The following HACD2 variants were observed in gnomAD, a reference collection of about 807,000 sequenced individuals.
HACD2 encodes the protein 3-hydroxyacyl-CoA dehydratase 2, also known as very-long-chain (3R)-3-hydroxyacyl-CoA dehydratase 2.
In HACD2, 15 loss-of-function variants were observed where a neutral mutation model predicts 31.0. That is an observed-to-expected ratio of 0.48 (90% CI 0.32 to 0.75). The LOEUF (loss-of-function observed/expected upper bound fraction) is 0.75, where lower values mean the gene tolerates loss of function less well. Among genes scored for constraint, HACD2 ranks in the 30% least tolerant of loss-of-function variants. The pLI, the probability that HACD2 is intolerant of heterozygous loss-of-function variation, is 0.03. For missense variants in HACD2, 283 were observed against 313.0 expected (o/e 0.90, Z 0.72); for synonymous variants, 115 against 122.2 (o/e 0.94, Z 0.39).
chr3:123,559,448 G>T (rs1165353799), intron 3 of HACD2, among the ~76,000 whole-genome samples: 1 of 152,206 alleles, frequency 6.6e-6, no homozygotes, highest in African/African-American at 2.4e-5. Context: ...TCACTACTCA[G>T]ATCATTGACA....
At chr3:123,563,611 T>C (rs936718809) in intron 3 of HACD2, among the ~76,000 whole-genome samples, 3 of 150,892 alleles carry the variant, frequency 2.0e-5, no homozygotes, top group Non-Finnish European at 2.9e-5. Flanking sequence ...CATGATACAT[T>C]TCTTCTTTTT....
intron 4 of HACD2, among the ~76,000 whole-genome samples, chr3:123,528,102 A>G (rs1288315457): frequency 6.6e-6 from 1 of 152,216 alleles, no homozygotes; most frequent in Non-Finnish European, 1.5e-5. Context: ...TCAGAAAAAT[A>G]TAACTGAGTT....
At chr3:123,582,079 T>G in intron 2 of HACD2, 133 bp downstream of exon 2, 1 of 473,624 alleles carries the variant, frequency 2.1e-6, no homozygotes, top group Non-Finnish European at 3.8e-6. Context: ...TATCAACACT[T>G]TAGTATGTGA....
intron 4 of HACD2, among the ~76,000 whole-genome samples, chr3:123,505,681 G>A (rs191236870): frequency 3.9e-5 from 6 of 152,282 alleles, no homozygotes; most frequent in African/African-American, 1.2e-4. Flanking sequence ...TTACTACACT[G>A]TAAATAGATG....
At chr3:123,496,290 T>C (rs1297161037) in intron 6 of HACD2, among the ~76,000 whole-genome samples, 7 of 152,236 alleles carry the variant, frequency 4.6e-5, no homozygotes, top group African/African-American at 7.2e-5. Flanking sequence ...CCCAAAGTGC[T>C]AGGACTATAG....
At chr3:123,516,293 G>T (rs1348575478) in intron 4 of HACD2, among the ~76,000 whole-genome samples, 1 of 149,180 alleles carries the variant, frequency 6.7e-6, no homozygotes, top group African/African-American at 2.5e-5. Context: ...CAGTGCAGTG[G>T]CATGATCTTC....
intron 3 of HACD2, among the ~76,000 whole-genome samples, chr3:123,559,261 T>C (rs986831053): frequency 3.9e-5 from 6 of 152,070 alleles, no homozygotes; most frequent in African/African-American, 7.3e-5. Flanking sequence ...GTGGTGACCA[T>C]AGTAAACGTC....
intron 4 of HACD2, among the ~76,000 whole-genome samples, chr3:123,521,050 C>A (rs997885614): frequency 2.0e-5 from 3 of 152,118 alleles, no homozygotes; most frequent in Non-Finnish European, 4.4e-5. Context: ...TCTAAACAGG[C>A]TTCCCACTAT....
At position 123,506,566 on chromosome 3, in the gene HACD2, A is replaced by C. The variant is rs577288031; in HGVS notation, c.382-3885T>G. Among the ~76,000 whole-genome samples, 6 of 152,258 alleles carry C rather than the reference A, an allele frequency of 3.9e-5. No homozygotes were observed. In the East Asian group the frequency reaches 7.7e-4, roughly 20 times the overall value. ...CACCTCAGTCTCAAGAGTAGCTGGGACTACAGGTGTGTGCCACCACACCCA... is the reference window on the plus strand; with the variant it reads ...CACCTCAGTCTCAAGAGTAGCTGGGCCTACAGGTGTGTGCCACCACACCCA... On this transcript the variant is annotated intron_variant, in intron 4 of 6. Coordinates refer to ENST00000383657, the MANE Select transcript of HACD2 (RefSeq NM_198402.5).
intron 3 of HACD2, among the ~76,000 whole-genome samples, chr3:123,534,511 T>C (rs1265234074): frequency 6.6e-6 from 1 of 152,122 alleles, no homozygotes; most frequent in East Asian, 1.9e-4. Flanking sequence ...TATAGCACAG[T>C]ACATTATATA....
intron 4 of HACD2, among the ~76,000 whole-genome samples, chr3:123,515,096 T>C (rs1209765179): frequency 6.6e-6 from 1 of 152,198 alleles, no homozygotes; most frequent in Admixed American, 6.5e-5. Flanking sequence ...TCTAAGTGCT[T>C]TGTATGTGTT....
intron 6 of HACD2, among the ~76,000 whole-genome samples, chr3:123,496,338 A>G (rs113338593): frequency 1.4e-3 from 211 of 152,236 alleles, no homozygotes; most frequent in African/African-American, 4.8e-3. Context: ...TCTCTTTTTT[A>G]TACTGTCACG....
At chr3:123,535,925 T>G (rs549835848) in intron 3 of HACD2, among the ~76,000 whole-genome samples, 2 of 152,304 alleles carry the variant, frequency 1.3e-5, no homozygotes, top group Admixed American at 6.5e-5. Context: ...TCCCTCCCAA[T>G]CCCATCACTA....
chr3:123,538,378 A>G (rs1193226613), intron 3 of HACD2, among the ~76,000 whole-genome samples: 9 of 152,212 alleles, frequency 5.9e-5, no homozygotes, highest in African/African-American at 1.9e-4. Context: ...AAAGGGCATT[A>G]TATTTTCTTT....
intron 4 of HACD2, among the ~76,000 whole-genome samples, chr3:123,516,309 A>G (rs2056136125): frequency 1.4e-5 from 2 of 146,770 alleles, no homozygotes; most frequent in African/African-American, 5.1e-5. Context: ...TCTTCTGCTC[A>G]CTGCAACCTC....
At chr3:123,502,515 G>A in intron 5 of HACD2, 45 bp downstream of exon 5, 14 of 1,593,082 alleles carry the variant, frequency 8.8e-6, no homozygotes, top group Non-Finnish European at 1.2e-5. Flanking sequence ...CAAATTCAAT[G>A]ACAGATCATT....
intron 3 of HACD2, among the ~76,000 whole-genome samples, chr3:123,560,756 T>G (rs1387928197): frequency 6.6e-6 from 1 of 152,058 alleles, no homozygotes; most frequent in Admixed American, 6.6e-5. Context: ...CTGTACTGTC[T>G]GTATTTTGGG....
At chr3:123,517,163 T>C (rs940641585) in intron 4 of HACD2, among the ~76,000 whole-genome samples, 38 of 152,248 alleles carry the variant, frequency 2.5e-4, no homozygotes, top group African/African-American at 9.2e-4. Flanking sequence ...CTGATGGCTG[T>C]CTCTTAGGCT....
chr3:123,571,232 A>G (rs992301582), intron 2 of HACD2, among the ~76,000 whole-genome samples: 2 of 152,212 alleles, frequency 1.3e-5, no homozygotes, highest in African/African-American at 4.8e-5. Context: ...CATACCAATG[A>G]TGGTGGTAGG....
Sources: allele counts gnomAD v4.1 joint callset (sites outside exome capture counted in the v4.1 genomes callset), GRCh38; gene constraint gnomAD v4.1.1; transcripts MANE v1.5; gene names NCBI Gene and HGNC (gene_info 2026-07-23, HGNC 2026-07-21).